The following ARHGEF10 variants were observed in gnomAD, a reference collection of about 807,000 sequenced individuals.
ARHGEF10 encodes Rho guanine nucleotide exchange factor 10.
A neutral mutation model predicts 147.4 loss-of-function variants in ARHGEF10; 140 were observed. That is an observed-to-expected ratio of 0.95 (90% CI 0.83 to 1.09). ARHGEF10 has a LOEUF of 1.09. ARHGEF10 is among the 50% of genes least tolerant of loss of function. ARHGEF10 has a pLI of 0.00. For synonymous variants in ARHGEF10, 902 were observed against 695.8 expected (o/e 1.30, Z -4.67); for missense variants, 2,222 against 1,752.7 (o/e 1.27, Z -4.78).
In ARHGEF10 at chr8:1,857,948, T is replaced by G. The variant is rs757733769; in HGVS notation, c.38-12T>G. On this transcript the variant is annotated splice_polypyrimidine_tract_variant and intron_variant, in intron 2 of 28. Coordinates refer to ENST00000349830, the MANE Select transcript of ARHGEF10 (RefSeq NM_014629.4). ...TATCTCTCCTTGATGTGGTTTTGGT[T>G]TTTCTTTTTAGAAAATGAAATGAAA... 1 of 1,593,734 alleles carries G rather than the reference T, an allele frequency of 6.3e-7. No individual in the cohort carries two copies. The highest frequency in any genetic ancestry group is 8.6e-7 in the Non-Finnish European group (1 of 1,166,044).
intron 7 of ARHGEF10, chr8:1,870,470 A>C (rs1380277357): frequency 2.0e-5 from 3 of 152,174 alleles, no homozygotes; most frequent in African/African-American, 4.8e-5. Context: ...TTGCCAGTAA[A>C]AGAAATCCTC....
intron 5 of ARHGEF10, among the ~76,000 whole-genome samples, chr8:1,865,335 A>G (rs1329722653): frequency 3.9e-4 from 47 of 119,208 alleles, no homozygotes; most frequent in African/African-American, 6.1e-4. Context: ...ACCAGGACAC[A>G]GGGCATCCCC....
chr8:1,952,188 G>T (rs558792988), intron 27 of ARHGEF10, among the ~76,000 whole-genome samples: 1 of 152,276 alleles, frequency 6.6e-6, no homozygotes, highest in Non-Finnish European at 1.5e-5. Context: ...TGTTCTTCAC[G>T]CAGAGCCCTG....
In ARHGEF10 at chr8:1,869,148, G is replaced by C. The variant is rs7003839; in HGVS notation, c.623-46G>C. Reference sequence around the variant, plus strand: ...GCCCTGTAAAATTTAAATTGCACTAGGTTTTGTTGGTCACTGTTTAAAGTG... The same window carrying C: ...GCCCTGTAAAATTTAAATTGCACTACGTTTTGTTGGTCACTGTTTAAAGTG... On this transcript the variant is annotated intron_variant, in intron 6 of 28. Transcript: ENST00000349830. The C allele has an allele frequency of 0.22, 342,525 of 1,550,380 alleles. 39,500 individuals carry two copies. Among genetic ancestry groups the C allele is most frequent in the East Asian group, 0.34 (15,242 of 44,480 alleles).
At chr8:1,949,954 A>G (rs983506239) in intron 27 of ARHGEF10, among the ~76,000 whole-genome samples, 1 of 151,912 alleles carries the variant, frequency 6.6e-6, no homozygotes, top group Non-Finnish European at 1.5e-5. Flanking sequence ...ATTTGAATGA[A>G]CCTGGATGGT....
At chr8:1,912,203 G>A (rs1274765315) in intron 18 of ARHGEF10, among the ~76,000 whole-genome samples, 2 of 151,984 alleles carry the variant, frequency 1.3e-5, no homozygotes, top group African/African-American at 2.4e-5. Flanking sequence ...TGTGGTGTTA[G>A]ACTCAGCAGG....
chr8:1,844,350 T>TGGACGAC (rs1411626165), intron 2 of ARHGEF10, among the ~76,000 whole-genome samples: 1 of 152,060 alleles, frequency 6.6e-6, no homozygotes. Context: ...CGGGGCCTGG[T>TGGACGAC]AGATGACAAA....
intron 15 of ARHGEF10, among the ~76,000 whole-genome samples, chr8:1,900,571 C>G (rs1220839399): frequency 1.3e-5 from 2 of 152,210 alleles, no homozygotes; most frequent in African/African-American, 2.4e-5. Flanking sequence ...CAGACGTGCG[C>G]TGTCGGACGG....
At chr8:1,907,854 G>A (rs554682187) in intron 17 of ARHGEF10, among the ~76,000 whole-genome samples, 1 of 152,278 alleles carries the variant, frequency 6.6e-6, no homozygotes, top group African/African-American at 2.4e-5. Context: ...AATGCATTTT[G>A]TTTCAAATAG....
At position 1,862,776 on chromosome 8, in the gene ARHGEF10, T is replaced by C. The variant is rs1237424452; in HGVS notation, c.482-1597T>C. Among the ~76,000 whole-genome samples, 278 of 28,622 alleles carry C rather than the reference T, an allele frequency of 9.7e-3. 1 individual carries two copies. Among genetic ancestry groups the C allele is most frequent in the Non-Finnish European group, 0.012 (163 of 13,962 alleles). 18.8% of individuals were successfully genotyped at this position (28,622 alleles called of 152,430 possible). ...GTTTCTTTTCCTTTTTTTCTTCTTCTTTTTTTTTTTTTTTTTTTTTGAGAC... is the reference window on the plus strand; with the variant it reads ...GTTTCTTTTCCTTTTTTTCTTCTTCCTTTTTTTTTTTTTTTTTTTTGAGAC... On this transcript the variant is annotated intron_variant, in intron 4 of 28. Transcript: ENST00000349830.
At chr8:1,881,112 G>C (rs1044018818) in intron 9 of ARHGEF10, among the ~76,000 whole-genome samples, 1 of 152,168 alleles carries the variant, frequency 6.6e-6, no homozygotes, top group Non-Finnish European at 1.5e-5. Context: ...GGAGTGCCCT[G>C]GCTGAAGCAG....
chr8:1,879,285 C>A (rs1403743722), intron 8 of ARHGEF10, among the ~76,000 whole-genome samples: 1 of 151,966 alleles, frequency 6.6e-6, no homozygotes, highest in African/African-American at 2.4e-5. Context: ...GGTTGGAGAC[C>A]CTTGAAAATC....
chr8:1,925,484 A>G, intron 22 of ARHGEF10, 80 bp downstream of exon 22: 2 of 1,586,400 alleles, frequency 1.3e-6, no homozygotes, highest in Non-Finnish European at 1.7e-6. Context: ...ATGATTCTTA[A>G]GGGGCGTGGT....
chr8:1,903,548 G>A (rs762157927), intron 16 of ARHGEF10, 97 bp downstream of exon 16: 3 of 1,499,052 alleles, frequency 2.0e-6, no homozygotes, highest in Non-Finnish European at 1.8e-6. Flanking sequence ...TGGATCGTTT[G>A]GAGTAATTCC....
At chr8:1,854,073 C>T (rs1391364714) in intron 2 of ARHGEF10, among the ~76,000 whole-genome samples, 1 of 152,212 alleles carries the variant, frequency 6.6e-6, no homozygotes, top group Non-Finnish European at 1.5e-5. Flanking sequence ...ACCCCAAATG[C>T]TGGGATTTTT....
At chr8:1,902,319 C>T (rs1474732976) in intron 15 of ARHGEF10, among the ~76,000 whole-genome samples, 2 of 152,132 alleles carry the variant, frequency 1.3e-5, no homozygotes, top group Admixed American at 1.3e-4. Flanking sequence ...AACAAAAGGC[C>T]CTGCATAAAA....
intron 26 of ARHGEF10, among the ~76,000 whole-genome samples, chr8:1,944,777 C>T (rs1303045059): frequency 6.6e-6 from 1 of 152,256 alleles, no homozygotes; most frequent in Non-Finnish European, 1.5e-5. Flanking sequence ...CCTCCAATCC[C>T]TGATGGGCAA....
chr8:1,909,246 A>C, intron 17 of ARHGEF10, 49 bp from the exon 18 acceptor site: 1 of 1,608,642 alleles, frequency 6.2e-7, no homozygotes, highest in South Asian at 1.1e-5. Context: ...CATTACCATA[A>C]CGTGTTCATG....
intron 17 of ARHGEF10, among the ~76,000 whole-genome samples, chr8:1,907,181 C>T (rs572139279): frequency 3.3e-5 from 5 of 152,260 alleles, no homozygotes; most frequent in East Asian, 1.9e-4. Flanking sequence ...CACCCGTTTC[C>T]CTGGTGTTAT....
Sources: allele counts gnomAD v4.1 joint callset (sites outside exome capture counted in the v4.1 genomes callset), GRCh38; gene constraint gnomAD v4.1.1; transcripts MANE v1.5; gene names NCBI Gene and HGNC (gene_info 2026-07-23, HGNC 2026-07-21).